The following ZMIZ1 variants were observed in gnomAD, a reference collection of about 807,000 sequenced individuals.
ZMIZ1 encodes the protein zinc finger MIZ-type containing 1.
Under a neutral mutation model 113.9 loss-of-function variants are expected in ZMIZ1, and 17 were observed. The ratio of observed to expected loss-of-function variants is 0.15; its 90% CI spans 0.10 to 0.22. The LOEUF is 0.22. Among genes scored for constraint, ZMIZ1 ranks in the 10% least tolerant of loss-of-function variants. The pLI is 1.00. For synonymous variants in ZMIZ1, 607 were observed against 603.1 expected (o/e 1.01, Z -0.09); for missense variants, 1,059 against 1,477.8 (o/e 0.72, Z 4.65).
At chr10:79,078,735 A>G (rs376304221) in intron 1 of ZMIZ1, among the ~76,000 whole-genome samples, 1 of 34,934 alleles carries the variant, frequency 2.9e-5, no homozygotes, top group African/African-American at 1.2e-4. Context: ...TTTTTTTTGC[A>G]TATGGTGTTT....
chr10:79,129,352 C>T (rs1844653236), intron 2 of ZMIZ1, among the ~76,000 whole-genome samples: 1 of 152,224 alleles, frequency 6.6e-6, no homozygotes, highest in African/African-American at 2.4e-5. Context: ...AAACCTGTCA[C>T]TTGTGGGCAA....
chr10:79,221,489 TGGCCC>T (rs1330666152), intron 7 of ZMIZ1, among the ~76,000 whole-genome samples: 1 of 152,228 alleles, frequency 6.6e-6, no homozygotes, highest in East Asian at 1.9e-4. Flanking sequence ...GTCACCTGCC[TGGCCC>T]GGCATCCTGA....
intron 7 of ZMIZ1, among the ~76,000 whole-genome samples, chr10:79,233,731 G>T (rs1279845639): frequency 6.7e-6 from 1 of 149,770 alleles, no homozygotes; most frequent in Non-Finnish European, 1.5e-5. Context: ...AAATTCATCA[G>T]CAGGGGCCTG....
chr10:79,196,011 G>T (rs1019936686), intron 4 of ZMIZ1, among the ~76,000 whole-genome samples: 1 of 152,118 alleles, frequency 6.6e-6, no homozygotes, highest in East Asian at 1.9e-4. Flanking sequence ...GCTGTCTCTT[G>T]CATGCCTCCC....
At chr10:79,180,655 C>T (rs575601854) in intron 4 of ZMIZ1, among the ~76,000 whole-genome samples, 2 of 152,214 alleles carry the variant, frequency 1.3e-5, no homozygotes, top group African/African-American at 2.4e-5. Context: ...AAGCAAACAC[C>T]ACCACCTTCC....
chr10:79,302,277 AG>A, intron 18 of ZMIZ1, 65 bp downstream of exon 18: 1 of 1,503,172 alleles, frequency 6.7e-7, no homozygotes. Flanking sequence ...GGGACTGAGA[AG>A]CAGTCACCAT....
At chr10:79,197,037 G>A (rs764394863) in intron 4 of ZMIZ1, among the ~76,000 whole-genome samples, 3 of 152,236 alleles carry the variant, frequency 2.0e-5, no homozygotes, top group African/African-American at 7.2e-5. Context: ...TGTCAACAGC[G>A]CCCCCTGCTG....
intron 2 of ZMIZ1, 98 bp from the exon 3 acceptor site, chr10:79,139,584 G>A (rs1010144357): frequency 6.0e-5 from 24 of 397,310 alleles, no homozygotes; most frequent in African/African-American, 2.7e-4. Context: ...CCAAGAGGCC[G>A]CTGAGATTAG....
intron 7 of ZMIZ1, among the ~76,000 whole-genome samples, chr10:79,226,272 T>C (rs1036926164): frequency 6.6e-6 from 1 of 152,158 alleles, no homozygotes; most frequent in Non-Finnish European, 1.5e-5. Flanking sequence ...ACCAGAGCTC[T>C]GGCCAGGCCA....
chr10:79,221,373 G>A (rs915626832), intron 7 of ZMIZ1, among the ~76,000 whole-genome samples: 6 of 152,218 alleles, frequency 3.9e-5, no homozygotes, highest in Non-Finnish European at 7.3e-5. Context: ...GGCCCTGGAC[G>A]CCCAGCCCCC....
chr10:79,141,107 C>G (rs1390056948), intron 3 of ZMIZ1, among the ~76,000 whole-genome samples: 1 of 152,116 alleles, frequency 6.6e-6, no homozygotes, highest in Non-Finnish European at 1.5e-5. Flanking sequence ...GTGCTCAAAG[C>G]CTGTGTGGTG....
At position 79,315,148 on chromosome 10, in the gene ZMIZ1, C is replaced by G. The variant is rs974871583; in HGVS notation, c.*2399C>G. Reference sequence around the variant, plus strand: ...GCACCTGAGGCGGGTTTCCTGGGTCCCCTCTCCAGCAAGCCTCCACCAGCA... The same window carrying G: ...GCACCTGAGGCGGGTTTCCTGGGTCGCCTCTCCAGCAAGCCTCCACCAGCA... On this transcript the variant is annotated 3_prime_UTR_variant, in exon 25 of 25. Coordinates refer to ENST00000334512, the MANE Select transcript of ZMIZ1 (RefSeq NM_020338.4). 6.5e-6 allele frequency: 1 copy of G among 152,858 alleles called. No individual in the cohort carries two copies. Among genetic ancestry groups the G allele is most frequent in the Non-Finnish European group, 1.5e-5 (1 of 68,172 alleles). 9.5% of individuals were successfully genotyped at this position (152,858 alleles called of 1,614,324 possible). A position where few individuals can be genotyped will look rare whatever the true frequency, so the allele number is the denominator to read the frequency against.
At chr10:79,089,886 G>T (rs1044663920) in intron 1 of ZMIZ1, among the ~76,000 whole-genome samples, 3 of 152,178 alleles carry the variant, frequency 2.0e-5, no homozygotes, top group Non-Finnish European at 4.4e-5. Context: ...GGGACAGGTT[G>T]TAGAGAGACG....
chr10:79,167,748 G>A (rs1846418344), intron 4 of ZMIZ1, among the ~76,000 whole-genome samples: 2 of 152,202 alleles, frequency 1.3e-5, no homozygotes, highest in African/African-American at 4.8e-5. Flanking sequence ...ATCCCTCCCA[G>A]CTTCCTGACA....
At chr10:79,071,576 G>C (rs1842288645) in intron 1 of ZMIZ1, among the ~76,000 whole-genome samples, 1 of 152,150 alleles carries the variant, frequency 6.6e-6, no homozygotes, top group African/African-American at 2.4e-5. Context: ...CTCAGCCCCG[G>C]CTGCTTTGTG....
At chr10:79,163,300 C>T (rs1846190496) in intron 4 of ZMIZ1, among the ~76,000 whole-genome samples, 1 of 151,954 alleles carries the variant, frequency 6.6e-6, no homozygotes, top group African/African-American at 2.4e-5. Context: ...GAGCCAGGCT[C>T]CATCTCCGTT....
intron 8 of ZMIZ1, among the ~76,000 whole-genome samples, chr10:79,278,770 A>G (rs1852478917): frequency 6.6e-6 from 1 of 152,052 alleles, no homozygotes; most frequent in Non-Finnish European, 1.5e-5. Context: ...GTTATAGATT[A>G]ACAGCATCCC....
At chr10:79,076,129 G>A (rs1020324972) in intron 1 of ZMIZ1, among the ~76,000 whole-genome samples, 3 of 152,206 alleles carry the variant, frequency 2.0e-5, no homozygotes, top group African/African-American at 7.2e-5. Flanking sequence ...ACCTGGTCTG[G>A]CCTTTCCTTT....
At chr10:79,085,398 C>G (rs1456585530) in intron 1 of ZMIZ1, among the ~76,000 whole-genome samples, 2 of 152,226 alleles carry the variant, frequency 1.3e-5, no homozygotes, top group Non-Finnish European at 2.9e-5. Flanking sequence ...TTCCCACCTG[C>G]CATTTGCACA....
Sources: gnomAD v4.1 joint callset for allele counts (sites outside exome capture counted in the v4.1 genomes callset) on GRCh38, gnomAD v4.1.1 for gene constraint, MANE v1.5 for transcripts, NCBI Gene and HGNC (gene_info 2026-07-23, HGNC 2026-07-21) for gene names.